Variants in PTPRE observed in about 807,000 individuals in gnomAD.
The protein encoded by PTPRE is receptor-type tyrosine-protein phosphatase epsilon.
Under a neutral mutation model 102.0 loss-of-function variants are expected in PTPRE, and 51 were observed. The ratio of observed to expected loss-of-function variants is 0.50; its 90% CI spans 0.40 to 0.63. The LOEUF is 0.63. Ranked by LOEUF, PTPRE falls within the 30% of genes least tolerant of loss-of-function variation. The pLI, the probability that PTPRE is intolerant of heterozygous loss-of-function variation, is 0.00. For synonymous variants in PTPRE, 345 were observed against 348.2 expected (o/e 0.99, Z 0.10); for missense variants, 752 against 915.1 (o/e 0.82, Z 2.30).
At chr10:127,909,997 G>A (rs1845758665) in intron 1 of PTPRE, among the ~76,000 whole-genome samples, 1 of 152,168 alleles carries the variant, frequency 6.6e-6, no homozygotes. Flanking sequence ...GCAGGCTTGG[G>A]AGCAGGGAGG....
At chr10:127,996,647 T>C (rs1853299320) in intron 2 of PTPRE, among the ~76,000 whole-genome samples, 1 of 152,198 alleles carries the variant, frequency 6.6e-6, no homozygotes, top group African/African-American at 2.4e-5. Context: ...CCTTGTTTCA[T>C]GTCAGCAGCT....
At chr10:128,080,542 A>G (rs1168940253) in intron 20 of PTPRE, among the ~76,000 whole-genome samples, 1 of 152,248 alleles carries the variant, frequency 6.6e-6, no homozygotes, top group East Asian at 1.9e-4. Flanking sequence ...AAGCAGTAGC[A>G]TACAGAGCTT....
At chr10:127,977,933 A>ACCAGCCAAAGCT (rs1005872573) in intron 1 of PTPRE, among the ~76,000 whole-genome samples, 2 of 152,254 alleles carry the variant, frequency 1.3e-5, no homozygotes, top group African/African-American at 2.4e-5. Flanking sequence ...CCAGGGACTC[A>ACCAGCCAAAGCT]CCAGCCAAAG....
At chr10:127,933,010 C>T (rs761497513) in intron 1 of PTPRE, among the ~76,000 whole-genome samples, 1 of 152,212 alleles carries the variant, frequency 6.6e-6, no homozygotes, top group African/African-American at 2.4e-5. Context: ...TGCTCCCAGT[C>T]TCTCTGACCC....
chr10:127,971,009 G>T (rs1024507750), intron 1 of PTPRE, among the ~76,000 whole-genome samples: 11 of 152,114 alleles, frequency 7.2e-5, no homozygotes, highest in Non-Finnish European at 1.2e-4. Context: ...TCATTATCCT[G>T]TCCCATATCT....
chr10:128,039,484 AAG>A lies in PTPRE; in HGVS notation c.-7-1388_-7-1387del, dbSNP rs1178990824. 2.0e-5 allele frequency among the ~76,000 whole-genome samples: 3 copies of A among 152,254 alleles called. No homozygotes were observed. The East Asian group carries it at 5.8e-4, about 29-fold the overall frequency. On this transcript the variant is annotated intron_variant, in intron 2 of 20. Transcript: ENST00000254667. ...AAATGTGTGTTTTGGAAATAAAAAAAAGAGGGAAGAAGTAAAAGTGCTGATTG... is the reference window on the plus strand; with the variant it reads ...AAATGTGTGTTTTGGAAATAAAAAAAAGGGAAGAAGTAAAAGTGCTGATTG...
At chr10:127,942,933 C>G (rs1209169669) in intron 1 of PTPRE, among the ~76,000 whole-genome samples, 1 of 152,168 alleles carries the variant, frequency 6.6e-6, no homozygotes, top group Non-Finnish European at 1.5e-5. Context: ...ATTTCAGGGC[C>G]GCATCTGTTA....
chr10:128,010,562 T>TTTTCTTTTC (rs1463358040), intron 2 of PTPRE, among the ~76,000 whole-genome samples: 2 of 143,394 alleles, frequency 1.4e-5, no homozygotes, highest in Non-Finnish European at 3.0e-5. Flanking sequence ...TTTTCTTTTC[T>TTTTCTTTTC]TTTCTTTTCT....
chr10:127,946,503 T>C (rs73376144), intron 1 of PTPRE, among the ~76,000 whole-genome samples: 12,402 of 146,742 alleles, frequency 0.085, 1,233 homozygotes, highest in East Asian at 0.16. Context: ...CATGGAGCAG[T>C]CTGCAGCCCC....
At chr10:128,069,610 G>T (rs1193827422) in intron 12 of PTPRE, 82 bp from the exon 13 acceptor site, 1 of 1,553,302 alleles carries the variant, frequency 6.4e-7, no homozygotes, top group Non-Finnish European at 8.7e-7. Flanking sequence ...CAGTGACCTG[G>T]GTGCGCAGGC....
At chr10:128,067,617 T>A (rs1002170058) in intron 11 of PTPRE, among the ~76,000 whole-genome samples, 8 of 152,312 alleles carry the variant, frequency 5.3e-5, no homozygotes, top group African/African-American at 1.9e-4. Context: ...GGCAAGGGAA[T>A]TAAACTCATG....
chr10:128,044,528 C>A (rs1847939045), intron 3 of PTPRE, among the ~76,000 whole-genome samples: 1 of 152,204 alleles, frequency 6.6e-6, no homozygotes, highest in Non-Finnish European at 1.5e-5. Context: ...CTAAGGTTTT[C>A]AACTTTCAGG....
chr10:128,026,066 C>T (rs913417299), intron 2 of PTPRE, among the ~76,000 whole-genome samples: 3 of 152,212 alleles, frequency 2.0e-5, no homozygotes, highest in Non-Finnish European at 4.4e-5. Context: ...CCCAAAACAA[C>T]CCATCCCTGG....
Position 128,064,469 on chromosome 10 carries a change from G to A in PTPRE, c.723+1289G>A, listed in dbSNP as rs145589506. ...CTCTTCACTCTGCCTGCGCTGTAGC[G>A]GCCATGGAGGAGGACACCCACGCGA... is the stretch of plus-strand genomic sequence containing the variant. On this transcript the variant is annotated intron_variant, in intron 10 of 20. Transcript: ENST00000254667. Among the ~76,000 whole-genome samples, 636 of 152,346 alleles carry A rather than the reference G, an allele frequency of 4.2e-3. 3 individuals are homozygous for A. Among genetic ancestry groups the A allele is most frequent in the Middle Eastern group, 0.02 (6 of 294 alleles).
At chr10:127,981,437 C>T (rs1851603356) in intron 1 of PTPRE, among the ~76,000 whole-genome samples, 1 of 152,146 alleles carries the variant, frequency 6.6e-6, no homozygotes, top group Non-Finnish European at 1.5e-5. Flanking sequence ...CATTGAACTG[C>T]ACACTTTAAA....
At chr10:127,943,146 T>G (rs555180583) in intron 1 of PTPRE, among the ~76,000 whole-genome samples, 2 of 152,394 alleles carry the variant, frequency 1.3e-5, no homozygotes, top group African/African-American at 4.8e-5. Flanking sequence ...AGAGGTCATG[T>G]AAGGAAATCA....
At chr10:127,931,030 A>T (rs1847399143) in intron 1 of PTPRE, among the ~76,000 whole-genome samples, 1 of 151,986 alleles carries the variant, frequency 6.6e-6, no homozygotes, top group African/African-American at 2.4e-5. Context: ...TGACCTCGTG[A>T]TCCACCCGCC....
intron 7 of PTPRE, among the ~76,000 whole-genome samples, chr10:128,056,582 T>TA (rs1488441105): frequency 1.3e-5 from 2 of 152,194 alleles, no homozygotes; most frequent in African/African-American, 4.8e-5. Flanking sequence ...CCTGGGCAGC[T>TA]CCCTTCCCTC....
intron 1 of PTPRE, among the ~76,000 whole-genome samples, chr10:127,917,505 T>C (rs1846293657): frequency 6.6e-6 from 1 of 151,974 alleles, no homozygotes; most frequent in African/African-American, 2.4e-5. Flanking sequence ...GACATAGTGA[T>C]ACTGTCTCTA....
Sources: allele counts gnomAD v4.1 joint callset (sites outside exome capture counted in the v4.1 genomes callset), GRCh38; gene constraint gnomAD v4.1.1; transcripts MANE v1.5; gene names NCBI Gene and HGNC (gene_info 2026-07-23, HGNC 2026-07-21).